The following SEPTIN6 variants were observed in gnomAD, a reference collection of about 807,000 sequenced individuals.
SEPTIN6 encodes septin-6.
A neutral mutation model predicts 33.6 loss-of-function variants in SEPTIN6; 8 were observed. The observed-to-expected ratio is 0.24, with a 90% CI of 0.14 to 0.43. The LOEUF (loss-of-function observed/expected upper bound fraction) is 0.43, where lower values mean the gene tolerates loss of function less well. Among genes scored for constraint, SEPTIN6 ranks in the 20% least tolerant of loss-of-function variants. The pLI, the probability that SEPTIN6 is intolerant of heterozygous loss-of-function variation, is 1.00. For synonymous variants in SEPTIN6, 131 were observed against 140.0 expected (o/e 0.94, Z 0.45); for missense variants, 250 against 340.8 (o/e 0.73, Z 2.10).
chrX:119,662,843 G>C (rs139627082), intron 3 of SEPTIN6, among the ~76,000 whole-genome samples: 2 of 112,447 alleles, frequency 1.8e-5, no homozygotes, highest in African/African-American at 6.4e-5. Flanking sequence ...CACTTCCCTA[G>C]AACATACCAG....
At chrX:119,673,150 C>T (rs2147616465) in intron 2 of SEPTIN6, among the ~76,000 whole-genome samples, 1 of 111,442 alleles carries the variant, frequency 9.0e-6, no homozygotes, top group East Asian at 2.8e-4. Context: ...GCAAGTGGAT[C>T]GCTTGAGCTT....
chrX:119,675,227 A>G (rs2054822692), intron 2 of SEPTIN6, among the ~76,000 whole-genome samples: 1 of 110,594 alleles, frequency 9.0e-6, no homozygotes, highest in African/African-American at 3.3e-5. Context: ...CTCCCTCCCA[A>G]TTCTGCCCTG....
At chrX:119,634,854 C>G (rs908490327) in intron 7 of SEPTIN6, among the ~76,000 whole-genome samples, 1 of 108,498 alleles carries the variant, frequency 9.2e-6, no homozygotes, top group African/African-American at 3.4e-5. Context: ...AATAAAAATA[C>G]AAAAATTAGC....
chrX:119,635,703 A>T (rs992263490), intron 7 of SEPTIN6, among the ~76,000 whole-genome samples: 1 of 111,581 alleles, frequency 9.0e-6, no homozygotes, highest in Non-Finnish European at 1.9e-5. Context: ...TTGAGTGGTT[A>T]TGCTGGGGAC....
rs1288195354 is a variant in SEPTIN6 at position 119,650,030 on chromosome X, G to T, written c.597C>A (p.Ile199=). ...TGCTGACAAGCTCGCTGGTGATTTT[G>T]ATTTTGAACTTTGTTAGCTCACTCT... is the stretch of plus-strand genomic sequence containing the variant. ...ISKSELTKFK[I]KITSELVSNG... The change falls in exon 5 of 11, where the codon ATC becomes ATA. Residue 199 remains isoleucine (I), a synonymous_variant. Coordinates refer to ENST00000394610, the MANE Select transcript of SEPTIN6 (RefSeq NM_145799.4). 1 of 1,211,201 alleles carries T rather than the reference G, an allele frequency of 8.3e-7. No homozygotes were observed. The highest frequency in any genetic ancestry group is 1.1e-6 in the Non-Finnish European group (1 of 894,875).
chrX:119,655,203 GACCAGCCAA>G (rs2147550181), intron 3 of SEPTIN6, among the ~76,000 whole-genome samples: 1 of 110,785 alleles, frequency 9.0e-6, no homozygotes, highest in East Asian at 2.8e-4. Flanking sequence ...ACATGGATCA[GACCAGCCAA>G]ACCAGCCAAT....
Position 119,686,550 on chromosome X carries a change from T to C in SEPTIN6, c.30+6526A>G, listed in dbSNP as rs762803708. 3 of 927,256 alleles carry C rather than the reference T, an allele frequency of 3.2e-6. No homozygotes were observed. In the South Asian group the frequency reaches 6.1e-5, roughly 19 times the overall value. The allele number at this position is 927,256 out of a possible 1,213,427, so 76.4% of individuals were successfully genotyped here. On this transcript the variant is annotated intron_variant, in intron 1 of 10. Coordinates refer to ENST00000394610, the MANE Select transcript of SEPTIN6 (RefSeq NM_145799.4). The stretch of plus-strand genomic sequence containing the variant: ...AAGACACTGAAGAAGAGGATAACAT[T>C]ATTTCTCACCCTCCTGAGCATGTGG...
At chrX:119,640,431 C>T (rs1006331624) in intron 6 of SEPTIN6, among the ~76,000 whole-genome samples, 2 of 109,538 alleles carry the variant, frequency 1.8e-5, no homozygotes, top group African/African-American at 6.7e-5. Context: ...TGCTTTTTCG[C>T]ACACTCCTTC....
At chrX:119,680,451 C>T (rs150944718) in intron 1 of SEPTIN6, among the ~76,000 whole-genome samples, 2,572 of 107,164 alleles carry the variant, frequency 0.024, 46 homozygotes, top group South Asian at 0.15. Context: ...TCAAATGATC[C>T]GGCCACCTCG....
chrX:119,687,305 C>T (rs2055073841), intron 1 of SEPTIN6, among the ~76,000 whole-genome samples: 1 of 102,911 alleles, frequency 9.7e-6, no homozygotes, highest in South Asian at 4.8e-4. Flanking sequence ...GGATGGAGTG[C>T]AGTGGCACAA....
At chrX:119,692,534 C>G (rs1407992668) in intron 1 of SEPTIN6, among the ~76,000 whole-genome samples, 2 of 111,918 alleles carry the variant, frequency 1.8e-5, no homozygotes, top group Non-Finnish European at 3.8e-5. Flanking sequence ...GATACACACA[C>G]AGACGCAGTC....
intron 5 of SEPTIN6, among the ~76,000 whole-genome samples, chrX:119,641,666 T>C (rs2054161211): frequency 9.0e-6 from 1 of 111,715 alleles, no homozygotes; most frequent in African/African-American, 3.3e-5. Context: ...GGCCTGGCTT[T>C]ATGGATGAGA....
rs143382025 is a variant in SEPTIN6 at position 119,640,720 on chromosome X, C to T, written c.759G>A (p.Ala253=). ...GCACAGTGCCCCAAGGATACTGCCG[C>T]GCCCTCATCATCTTGTTGCCTATCT... ...ELKIGNKMMR[A]RQYPWGTVQV... Residue 253 remains alanine (A), a synonymous_variant, in exon 6 of 11, where the codon GCG becomes GCA. Coordinates refer to ENST00000394610, the MANE Select transcript of SEPTIN6 (RefSeq NM_145799.4). 43 of 1,209,408 alleles carry T rather than the reference C, an allele frequency of 3.6e-5. No individual in the cohort carries two copies. The highest frequency in any genetic ancestry group is 1.0e-4 in the African/African-American group (6 of 57,153).
chrX:119,626,036 C>A (rs1435659387), intron 9 of SEPTIN6, among the ~76,000 whole-genome samples: 1 of 112,244 alleles, frequency 8.9e-6, no homozygotes, highest in Non-Finnish European at 1.9e-5. Context: ...TAACAAATTG[C>A]TCATGAAATT....
chrX:119,675,576 G>A lies in SEPTIN6; in HGVS notation c.123C>T (p.Phe41=), dbSNP rs2054827587. 1.7e-6 allele frequency: 2 copies of A among 1,158,903 alleles called. No homozygotes were observed. The highest frequency in any genetic ancestry group is 2.4e-5 in the Admixed American group (1 of 41,318). ...CACCCACGCACAGGATGTTGAAGCA[G>A]AAGCCCTGGCTGACGGACTTATTCA... ...QLVNKSVSQG[F]CFNILCVGET... The change falls in exon 2 of 11, where the codon TTC becomes TTT. Residue 41 remains phenylalanine (F), a synonymous_variant. Transcript: ENST00000394610.
intron 1 of SEPTIN6, among the ~76,000 whole-genome samples, chrX:119,678,336 C>T (rs2054878326): frequency 9.1e-6 from 1 of 109,889 alleles, no homozygotes; most frequent in African/African-American, 3.3e-5. Flanking sequence ...CTGGCTAACA[C>T]GGTGAAACCC....
intron 10 of SEPTIN6, 49 bp downstream of exon 10, chrX:119,625,286 T>A: frequency 3.4e-6 from 3 of 891,267 alleles, no homozygotes; most frequent in Non-Finnish European, 3.3e-6. Flanking sequence ...TTGGGGGAGA[T>A]ATGTTCTAGA....
Position 119,619,825 on chromosome X carries a change from G to T in SEPTIN6, c.*268C>A, listed in dbSNP as rs1230408974. On this transcript the variant is annotated 3_prime_UTR_variant, in exon 11 of 11. Coordinates refer to ENST00000394610, the MANE Select transcript of SEPTIN6 (RefSeq NM_145799.4). ...ACAGGGGGGATGGCTGGGGGTGCTG[G>T]GAGGGGGACTGGGATGCAGGATGCA... is the stretch of plus-strand genomic sequence containing the variant. The T allele has an allele frequency of 3.8e-6, 4 of 1,047,218 alleles. No individual in the cohort carries two copies. The highest frequency in any genetic ancestry group is 4.9e-6 in the Non-Finnish European group (4 of 814,768). The allele number at this position is 1,047,218 out of a possible 1,213,427, so 86.3% of individuals were successfully genotyped here. A position where few individuals can be genotyped will look rare whatever the true frequency, so the allele number is the denominator to read the frequency against.
intron 2 of SEPTIN6, among the ~76,000 whole-genome samples, 193 bp downstream of exon 2, chrX:119,675,361 T>C (rs1446747087): frequency 9.0e-6 from 1 of 111,230 alleles, no homozygotes; most frequent in Non-Finnish European, 1.9e-5. Context: ...TATACTCTGA[T>C]CTGGCCAGGG....
Sources: gnomAD v4.1 joint callset for allele counts (sites outside exome capture counted in the v4.1 genomes callset) on GRCh38, gnomAD v4.1.1 for gene constraint, MANE v1.5 for transcripts, NCBI Gene and HGNC (gene_info 2026-07-23, HGNC 2026-07-21) for gene names.